FRAS1: variants seen among roughly 807,000 people sequenced by gnomAD.
FRAS1 encodes the protein Fraser extracellular matrix complex subunit 1.
Under a neutral mutation model 435.2 loss-of-function variants are expected in FRAS1, and 290 were observed. The observed-to-expected ratio is 0.67, with a 90% confidence interval of 0.61 to 0.73. The LOEUF (loss-of-function observed/expected upper bound fraction) is 0.73, where lower values mean the gene tolerates loss of function less well. FRAS1 is among the 30% of genes least tolerant of loss of function. FRAS1 has a pLI of 0.00. For missense variants in FRAS1, 4,860 were observed against 5,001.5 expected (o/e 0.97, Z 0.85); for synonymous variants, 1,800 against 1,851.0 (o/e 0.97, Z 0.71).
chr4:78,458,336 C>G (rs1165925552), intron 47 of FRAS1, among the ~76,000 whole-genome samples: 1 of 152,158 alleles, frequency 6.6e-6, no homozygotes, highest in Non-Finnish European at 1.5e-5. Context: ...AAGGGCCAAC[C>G]CTTAGCACTT....
chr4:78,378,401 T>G (rs1445990556), intron 26 of FRAS1, among the ~76,000 whole-genome samples: 2 of 152,212 alleles, frequency 1.3e-5, no homozygotes. Context: ...TGTACAAGTT[T>G]TGTGTGGACA....
At chr4:78,523,253 G>A (rs953001070) in intron 69 of FRAS1, among the ~76,000 whole-genome samples, 1 of 152,170 alleles carries the variant, frequency 6.6e-6, no homozygotes, top group Non-Finnish European at 1.5e-5. Context: ...CTATGGTGGG[G>A]AACTTAGTCA....
chr4:78,244,827 G>A (rs1376763449), intron 3 of FRAS1, among the ~76,000 whole-genome samples: 2 of 152,100 alleles, frequency 1.3e-5, no homozygotes, highest in African/African-American at 4.8e-5. Flanking sequence ...TGCTTCACTG[G>A]CTGCACTAGG....
At chr4:78,479,253 A>T in intron 55 of FRAS1, 121 bp from the exon 56 acceptor site, 1 of 562,296 alleles carries the variant, frequency 1.8e-6, no homozygotes, top group Non-Finnish European at 2.8e-6. Flanking sequence ...TTTATGTCAG[A>T]GTTTGAACAG....
At chr4:78,269,242 G>C (rs1726527021) in intron 9 of FRAS1, among the ~76,000 whole-genome samples, 2 of 152,146 alleles carry the variant, frequency 1.3e-5, no homozygotes, top group Admixed American at 1.3e-4. Context: ...CAGGCTTTTT[G>C]GGAAGTCAGA....
intron 25 of FRAS1, 23 bp from the exon 26 acceptor site, chr4:78,375,716 T>C: frequency 1.3e-6 from 2 of 1,546,344 alleles, no homozygotes; most frequent in Non-Finnish European, 1.7e-6. Context: ...TTGAGCCTCA[T>C]TTAGTGTTTC....
intron 2 of FRAS1, among the ~76,000 whole-genome samples, chr4:78,100,927 T>C (rs751375094): frequency 6.6e-6 from 1 of 152,228 alleles, no homozygotes; most frequent in Non-Finnish European, 1.5e-5. Flanking sequence ...AAGCCCACTG[T>C]CTTTCCACCT....
Position 78,375,776 on chromosome 4 carries a change from C to G in FRAS1, c.3189C>G (p.Asp1063Glu). Reference sequence around the variant, plus strand: ...GGTGCTTGCAGTGCAGCCACAGGGACCGTTGTCACCTCTGTGACCATGGGT... The same window carrying G: ...GGTGCTTGCAGTGCAGCCACAGGGAGCGTTGTCACCTCTGTGACCATGGGT... ...PQGCLQCSHR[D>E]RCHLCDHGFF... The change falls in exon 26 of 74, where the codon GAC becomes GAG. Residue 1063 changes from aspartate to glutamate, a missense_variant. By Grantham distance (45) the Asp-to-Glu change is conservative (BLOSUM62 2). Transcript: ENST00000512123. 1 of 1,609,832 alleles carries G rather than the reference C, an allele frequency of 6.2e-7. No individual in the cohort carries two copies. The highest frequency in any genetic ancestry group is 8.5e-7 in the Non-Finnish European group (1 of 1,177,804).
intron 2 of FRAS1, among the ~76,000 whole-genome samples, chr4:78,220,043 A>G (rs937720509): frequency 6.6e-6 from 1 of 152,210 alleles, no homozygotes; most frequent in African/African-American, 2.4e-5. Flanking sequence ...GTCAGAGGGC[A>G]GTAGTGATGT....
intron 4 of FRAS1, among the ~76,000 whole-genome samples, 172 bp from the exon 5 acceptor site, chr4:78,252,220 G>C (rs1408918797): frequency 3.9e-5 from 6 of 152,070 alleles, no homozygotes; most frequent in Admixed American, 3.9e-4. Context: ...ACTGGCCTTT[G>C]ACTTGAAGCC....
intron 42 of FRAS1, 33 bp downstream of exon 42, chr4:78,445,745 C>T (rs750136143): frequency 3.7e-6 from 6 of 1,612,804 alleles, no homozygotes. Flanking sequence ...AGGTTGAGCC[C>T]TTGACCACAA....
rs372900422 is a variant in FRAS1, at chr4:78,479,570, G to A, written c.8295G>A (p.Glu2765=). 3.3e-5 allele frequency: 54 copies of A among 1,613,862 alleles called. No homozygotes were observed. Among genetic ancestry groups the A allele is most frequent in the Non-Finnish European group, 4.5e-5 (53 of 1,179,860 alleles). The change falls in exon 56 of 74, where the codon GAG becomes GAA. Residue 2765 remains glutamate (E), a synonymous_variant. Transcript: ENST00000512123. ...VMLIDDSEYE[E]EEEFEIALAD... Reference sequence around the variant, plus strand: ...TTATTGATGACAGCGAGTATGAAGAGGAAGAAGAGTTTGAGATTGCCTTGG... The same window carrying A: ...TTATTGATGACAGCGAGTATGAAGAAGAAGAAGAGTTTGAGATTGCCTTGG...
At chr4:78,149,027 T>A (rs1260085001) in intron 2 of FRAS1, among the ~76,000 whole-genome samples, 1 of 152,194 alleles carries the variant, frequency 6.6e-6, no homozygotes, top group East Asian at 1.9e-4. Context: ...GCTATTTCAA[T>A]ATTGCTGTTT....
intron 41 of FRAS1, among the ~76,000 whole-genome samples, chr4:78,443,315 G>A (rs545712186): frequency 2.0e-5 from 3 of 152,312 alleles, no homozygotes; most frequent in Admixed American, 2.0e-4. Context: ...CTGTGATTAT[G>A]CCACTGCACT....
At chr4:78,506,408 A>T (rs533142707) in intron 61 of FRAS1, among the ~76,000 whole-genome samples, 4 of 152,298 alleles carry the variant, frequency 2.6e-5, no homozygotes, top group African/African-American at 9.6e-5. Flanking sequence ...GGCTCCCCCC[A>T]GTTCGAGCTT....
chr4:78,418,963 CCTGA>C lies in FRAS1; in HGVS notation c.4444_4447del (p.Thr1482LeufsTer10). Reference sequence around the variant, plus strand: ...ACTTTGTTTAGGCTAGAGAAGATGGCCTGACTGTTATTCAGCCTCATTCCCTCTC... The same window carrying C: ...ACTTTGTTTAGGCTAGAGAAGATGGCCTGTTATTCAGCCTCATTCCCTCTC... On this transcript the variant is annotated frameshift_variant, in exon 33 of 74. Coordinates refer to ENST00000512123, the MANE Select transcript of FRAS1 (RefSeq NM_025074.7). LOFTEE classifies it high-confidence loss of function. 1 of 1,600,560 alleles carries C rather than the reference CCTGA, an allele frequency of 6.2e-7. No homozygotes were observed. Among genetic ancestry groups the C allele is most frequent in the Non-Finnish European group, 8.5e-7 (1 of 1,172,764 alleles).
intron 2 of FRAS1, among the ~76,000 whole-genome samples, chr4:78,176,506 C>T (rs1297587158): frequency 6.6e-6 from 1 of 152,194 alleles, no homozygotes; most frequent in Non-Finnish European, 1.5e-5. Context: ...TTGCTTAAAT[C>T]TCATCATCCT....
chr4:78,208,009 C>T (rs1723335189), intron 2 of FRAS1, among the ~76,000 whole-genome samples: 1 of 152,128 alleles, frequency 6.6e-6, no homozygotes, highest in African/African-American at 2.4e-5. Flanking sequence ...GCCGAGGGAA[C>T]CCACATACCC....
intron 64 of FRAS1, among the ~76,000 whole-genome samples, chr4:78,512,546 G>A (rs1472318081): frequency 6.6e-6 from 1 of 152,126 alleles, no homozygotes; most frequent in Non-Finnish European, 1.5e-5. Flanking sequence ...GTACTATCAT[G>A]TTGCAGTCTT....
Sources: allele counts gnomAD v4.1 joint callset (sites outside exome capture counted in the v4.1 genomes callset), GRCh38; gene constraint gnomAD v4.1.1; transcripts MANE v1.5; gene names NCBI Gene and HGNC (gene_info 2026-07-23, HGNC 2026-07-21).